ZMYM4: variants seen among roughly 807,000 people sequenced by gnomAD.
ZMYM4 encodes the protein zinc finger MYM-type containing 4.
Under a neutral mutation model 183.2 loss-of-function variants are expected in ZMYM4, and 31 were observed. That is an observed-to-expected ratio of 0.17 (90% CI 0.13 to 0.23). The LOEUF (loss-of-function observed/expected upper bound fraction) is 0.23. Among genes scored for constraint, ZMYM4 ranks in the 10% least tolerant of loss-of-function variants. The pLI, the probability that ZMYM4 is intolerant of heterozygous loss-of-function variation, is 1.00. For missense variants in ZMYM4, 1,273 were observed against 1,840.3 expected (o/e 0.69, Z 5.64); for synonymous variants, 592 against 631.2 (o/e 0.94, Z 0.93).
intron 1 of ZMYM4, among the ~76,000 whole-genome samples, chr1:35,280,804 A>G (rs897792173): frequency 6.6e-6 from 1 of 151,956 alleles, no homozygotes; most frequent in East Asian, 1.9e-4. Context: ...TTTAGGGCCT[A>G]CTCTAATTCA....
intron 3 of ZMYM4, 29 bp downstream of exon 3, chr1:35,359,475 AAC>A (rs760925764): frequency 9.9e-6 from 15 of 1,511,428 alleles, no homozygotes; most frequent in African/African-American, 1.4e-5. Context: ...AGAACCATAA[AAC>A]ACAATTAAAA....
intron 7 of ZMYM4, among the ~76,000 whole-genome samples, chr1:35,380,625 C>T (rs992940277): frequency 3.3e-5 from 5 of 152,054 alleles, no homozygotes; most frequent in African/African-American, 7.2e-5. Context: ...TGCGCCCGGC[C>T]GAAAAATTGG....
At chr1:35,361,057 T>C in intron 3 of ZMYM4, 137 bp from the exon 4 acceptor site, 1 of 644,560 alleles carries the variant, frequency 1.6e-6, no homozygotes, top group Non-Finnish European at 2.4e-6. Flanking sequence ...TGGGTGTTTT[T>C]GGGACCCAGT....
chr1:35,366,047 C>G (rs1644070260), intron 5 of ZMYM4: 1 of 152,020 alleles, frequency 6.6e-6, no homozygotes, highest in Non-Finnish European at 1.5e-5. Flanking sequence ...TTAATGTATG[C>G]CAATGAGTAT....
At chr1:35,324,252 A>G (rs1363166712) in intron 1 of ZMYM4, among the ~76,000 whole-genome samples, 2 of 151,980 alleles carry the variant, frequency 1.3e-5, no homozygotes, top group Non-Finnish European at 2.9e-5. Flanking sequence ...CCTCCATGTC[A>G]CATAAATTAT....
At chr1:35,351,126 G>T in intron 2 of ZMYM4, 1 of 971,914 alleles carries the variant, frequency 1.0e-6, no homozygotes, top group South Asian at 1.3e-5. Flanking sequence ...AGGCAATCTT[G>T]GTCAGCCACG....
At chr1:35,386,280 C>G in intron 11 of ZMYM4, 91 bp downstream of exon 11, 2 of 854,460 alleles carry the variant, frequency 2.3e-6, no homozygotes, top group South Asian at 3.7e-5. Context: ...ATACCCTAGA[C>G]TGGGTAATTT....
chr1:35,283,324 A>C (rs1206471963), intron 1 of ZMYM4, among the ~76,000 whole-genome samples: 1 of 79,632 alleles, frequency 1.3e-5, no homozygotes, highest in African/African-American at 5.9e-5. Context: ...GTGAAGTGGT[A>C]TCTTTTTTTT....
chr1:35,398,839 C>T, intron 21 of ZMYM4, 25 bp from the exon 22 acceptor site: 3 of 1,607,386 alleles, frequency 1.9e-6, no homozygotes, highest in Non-Finnish European at 2.6e-6. Context: ...ATTTTGAGGG[C>T]TTAATTGTTA....
At chr1:35,277,856 T>G (rs1639948873) in intron 1 of ZMYM4, among the ~76,000 whole-genome samples, 2 of 152,176 alleles carry the variant, frequency 1.3e-5, no homozygotes, top group Non-Finnish European at 2.9e-5. Flanking sequence ...CATTAGGAAC[T>G]CATGAGTTTT....
At chr1:35,362,790 C>A (rs890735467) in intron 5 of ZMYM4, among the ~76,000 whole-genome samples, 1 of 152,066 alleles carries the variant, frequency 6.6e-6, no homozygotes, top group Admixed American at 6.6e-5. Flanking sequence ...GCAGCCTCAA[C>A]CTCCCAGGCT....
intron 2 of ZMYM4, among the ~76,000 whole-genome samples, chr1:35,358,464 T>C (rs1225936711): frequency 3.3e-5 from 5 of 152,176 alleles, no homozygotes; most frequent in Admixed American, 1.3e-4. Flanking sequence ...TAATTATAAT[T>C]ACCATTTTAT....
intron 7 of ZMYM4, among the ~76,000 whole-genome samples, chr1:35,371,519 T>G (rs1283869500): frequency 6.6e-6 from 1 of 152,226 alleles, no homozygotes; most frequent in African/African-American, 2.4e-5. Flanking sequence ...AAGGTCATCC[T>G]GATATATTTG....
In ZMYM4 at chr1:35,283,326, C is replaced by CTTTTTTT. The variant is rs201360397; in HGVS notation, c.39+14264_39+14270dup. Among the ~76,000 whole-genome samples, 14 of 56,772 alleles carry CTTTTTTT rather than the reference C, an allele frequency of 2.5e-4. 3 individuals are homozygous for CTTTTTTT. The highest frequency in any genetic ancestry group is 1.2e-3 in the African/African-American group (13 of 10,506). The allele number at this position is 56,772 out of a possible 152,430, so 37.2% of individuals were successfully genotyped here. On this transcript the variant is annotated intron_variant, in intron 1 of 29. Coordinates refer to ENST00000314607, the MANE Select transcript of ZMYM4 (RefSeq NM_005095.3). Reference sequence around the variant, plus strand: ...TGTCCTAGTGGGTGTGAAGTGGTATCTTTTTTTTTTTTTTTTTTTTTTTTT... The same window carrying CTTTTTTT: ...TGTCCTAGTGGGTGTGAAGTGGTATCTTTTTTTTTTTTTTTTTTTTTTTTTTTTTTTT...
At chr1:35,290,950 A>G (rs1441446562) in intron 1 of ZMYM4, among the ~76,000 whole-genome samples, 1 of 152,228 alleles carries the variant, frequency 6.6e-6, no homozygotes, top group Non-Finnish European at 1.5e-5. Flanking sequence ...TGGTTCAGGC[A>G]TGTGATAAAT....
chr1:35,336,786 A>G (rs112946181), intron 2 of ZMYM4, among the ~76,000 whole-genome samples: 1 of 152,114 alleles, frequency 6.6e-6, no homozygotes, highest in Non-Finnish European at 1.5e-5. Context: ...TCCCCACCCA[A>G]ATCTCATCTT....
intron 1 of ZMYM4, among the ~76,000 whole-genome samples, chr1:35,320,816 A>G (rs947152041): frequency 6.6e-5 from 10 of 152,228 alleles, no homozygotes; most frequent in Admixed American, 3.9e-4. Flanking sequence ...CGAGACTGTT[A>G]TAGCAGAAAA....
chr1:35,310,685 T>C (rs1369432740), intron 1 of ZMYM4, among the ~76,000 whole-genome samples: 3 of 152,072 alleles, frequency 2.0e-5, no homozygotes, highest in Non-Finnish European at 4.4e-5. Flanking sequence ...TTCAAGTGGT[T>C]CTCCTGCTTC....
intron 1 of ZMYM4, among the ~76,000 whole-genome samples, chr1:35,307,989 C>G (rs1489689153): frequency 2.0e-5 from 3 of 151,990 alleles, no homozygotes; most frequent in African/African-American, 7.2e-5. Context: ...GCCACCGCAC[C>G]CGGCTAATTT....
Sources: gnomAD v4.1 joint callset for allele counts (sites outside exome capture counted in the v4.1 genomes callset) on GRCh38, gnomAD v4.1.1 for gene constraint, MANE v1.5 for transcripts, NCBI Gene and HGNC (gene_info 2026-07-23, HGNC 2026-07-21) for gene names.